TBXAS1: variants seen among roughly 807,000 people sequenced by gnomAD.
TBXAS1 encodes the protein thromboxane-A synthase.
A neutral mutation model predicts 60.7 loss-of-function variants in TBXAS1; 48 were observed. That is an observed-to-expected ratio of 0.79 (90% confidence interval 0.63 to 1.01). TBXAS1 has a LOEUF of 1.01. Among genes scored for constraint, TBXAS1 ranks in the 50% least tolerant of loss-of-function variants. The pLI is 0.00. For synonymous variants in TBXAS1, 287 were observed against 269.7 expected, an observed-to-expected ratio of 1.06 and a Z score of -0.63; for missense variants, 685 against 686.3, an observed-to-expected ratio of 1.00 and a Z score of 0.02.
chr7:139,799,034 A>G (rs145204272), intron 4 of TBXAS1, among the ~76,000 whole-genome samples: 7 of 141,528 alleles, frequency 4.9e-5, no homozygotes, highest in African/African-American at 1.9e-4. Context: ...TTCCTCTCCC[A>G]TTGTCACCTT....
intron 1 of TBXAS1, among the ~76,000 whole-genome samples, chr7:139,779,163 TGTAAA>T (rs1796894589): frequency 6.6e-6 from 1 of 152,222 alleles, no homozygotes; most frequent in East Asian, 1.9e-4. Context: ...AAGCTATCTG[TGTAAA>T]ATAATGATCT....
chr7:139,855,514 G>C (rs138656220), intron 1 of TBXAS1, among the ~76,000 whole-genome samples: 3 of 152,162 alleles, frequency 2.0e-5, no homozygotes, highest in Non-Finnish European at 4.4e-5. Flanking sequence ...GGGGAGGCTT[G>C]GGCTGCCAGG....
intron 4 of TBXAS1, among the ~76,000 whole-genome samples, chr7:139,924,315 TTATTGCC>T (rs753968132): frequency 9.7e-4 from 148 of 152,334 alleles, no homozygotes; most frequent in Non-Finnish European, 1.8e-3. Context: ...GCAGCTTGTG[TTATTGCC>T]TGTCTTTTGG....
Position 139,953,929 on chromosome 7 carries a change from C to T in TBXAS1, c.539+473C>T, listed in dbSNP as rs141137898. On this transcript the variant is annotated intron_variant, in intron 6 of 12. Coordinates refer to ENST00000448866, the MANE Select transcript of TBXAS1 (RefSeq NM_001061.7). ...GTCTAAGTTTGTCCGACCCACAGCCCGCTGGCCACAAGCAGCCCAGGATGG... is the reference window on the plus strand; with the variant it reads ...GTCTAAGTTTGTCCGACCCACAGCCTGCTGGCCACAAGCAGCCCAGGATGG... 5.0e-3 allele frequency among the ~76,000 whole-genome samples: 763 copies of T among 152,242 alleles called. 8 individuals carry two copies. The highest frequency in any genetic ancestry group is 6.0e-3 in the Non-Finnish European group (410 of 68,026).
chr7:139,906,003 T>C (rs965322856), intron 3 of TBXAS1: 5 of 224,796 alleles, frequency 2.2e-5, no homozygotes, highest in South Asian at 2.2e-4. Flanking sequence ...GTAGTCCATT[T>C]TGAGTTCATT....
In TBXAS1 at chr7:139,870,594, G is replaced by A. The variant is rs573349307; in HGVS notation, c.90-1641G>A. On this transcript the variant is annotated intron_variant, in intron 1 of 12. Transcript: ENST00000448866. ...CTCACACTAATGAAGAGGAGTGTTG[G>A]TATGACTAATCCTTGGCGTTCACGT... 5.3e-5 allele frequency among the ~76,000 whole-genome samples: 8 copies of A among 152,332 alleles called. No individual in the cohort carries two copies. In the South Asian group the frequency reaches 1.2e-3, roughly 24 times the overall value.
At chr7:139,824,325 T>G (rs1798380660), upstream of TBXAS1, among the ~76,000 whole-genome samples, 1 of 152,232 alleles carries the variant, frequency 6.6e-6, no homozygotes, top group Non-Finnish European at 1.5e-5. Context: ...AAGTCGGTCC[T>G]GCCTGTACAC....
chr7:139,791,665 A>G (rs1797384936), intron 4 of TBXAS1, among the ~76,000 whole-genome samples: 1 of 152,212 alleles, frequency 6.6e-6, no homozygotes, highest in South Asian at 2.1e-4. Context: ...ACTATAGTGC[A>G]TGTCTTTGTA....
At chr7:139,915,575 T>C (rs1291695817) in intron 4 of TBXAS1, among the ~76,000 whole-genome samples, 1 of 152,166 alleles carries the variant, frequency 6.6e-6, no homozygotes, top group Non-Finnish European at 1.5e-5. Context: ...TGAGTTACGT[T>C]GAGTTTTGTC....
At chr7:139,867,591 C>G (rs1801514159) in intron 1 of TBXAS1, among the ~76,000 whole-genome samples, 1 of 152,176 alleles carries the variant, frequency 6.6e-6, no homozygotes, top group Non-Finnish European at 1.5e-5. Context: ...AAGGCCAAGG[C>G]AGGCGGATCG....
At chr7:139,838,197 T>C (rs1295886936) in intron 1 of TBXAS1, among the ~76,000 whole-genome samples, 1 of 152,194 alleles carries the variant, frequency 6.6e-6, no homozygotes, top group African/African-American at 2.4e-5. Flanking sequence ...GAATGGTCCT[T>C]TGTTGCTGCA....
At chr7:139,991,885 G>C (rs1412662752) in intron 9 of TBXAS1, among the ~76,000 whole-genome samples, 2 of 152,238 alleles carry the variant, frequency 1.3e-5, no homozygotes, top group Non-Finnish European at 2.9e-5. Flanking sequence ...AGGGACTTTA[G>C]CTGGGAGCAC....
chr7:140,008,795 G>A lies in TBXAS1; in HGVS notation c.1226+1613G>A, dbSNP rs1231972868. On this transcript the variant is annotated intron_variant, in intron 10 of 12. Coordinates refer to ENST00000448866, the MANE Select transcript of TBXAS1 (RefSeq NM_001061.7). ...TCCAGCTTTCTTCCAAGGGGATTGTGGGAAGCTGGTGTACATGTTAAAATG... is the reference window on the plus strand; with the variant it reads ...TCCAGCTTTCTTCCAAGGGGATTGTAGGAAGCTGGTGTACATGTTAAAATG... 2.6e-5 allele frequency among the ~76,000 whole-genome samples: 4 copies of A among 152,160 alleles called. 1 individual carries two copies. Among genetic ancestry groups the A allele is most frequent in the Admixed American group, 6.5e-5 (1 of 15,280 alleles).
rs1385740188 is a variant in TBXAS1 at position 140,017,838 on chromosome 7, G to A, written c.1527+5G>A. 1 of 1,614,064 alleles carries A rather than the reference G, an allele frequency of 6.2e-7. No individual in the cohort carries two copies. The highest frequency in any genetic ancestry group is 2.2e-5 in the East Asian group (1 of 44,854). On this transcript the variant is annotated splice_donor_5th_base_variant and intron_variant, in intron 12 of 12. Transcript: ENST00000448866. ...CAAGCCTGCCCTGAGACCCAGGTGA[G>A]GCCCCCCTGCTCAGAGGCAGGGGCA...
intron 5 of TBXAS1, among the ~76,000 whole-genome samples, chr7:139,947,906 C>T (rs1473543046): frequency 2.0e-5 from 3 of 151,994 alleles, no homozygotes; most frequent in African/African-American, 7.3e-5. Context: ...GCTCTGTCAC[C>T]CAGGCTGGAG....
At chr7:139,905,592 C>T (rs963463253) in intron 3 of TBXAS1, among the ~76,000 whole-genome samples, 6 of 152,056 alleles carry the variant, frequency 3.9e-5, no homozygotes, top group Non-Finnish European at 7.4e-5. Flanking sequence ...TCGGTTGCAT[C>T]CTTTCCTGGT....
intron 10 of TBXAS1, among the ~76,000 whole-genome samples, chr7:140,010,345 T>C (rs996332986): frequency 8.5e-5 from 13 of 152,210 alleles, no homozygotes; most frequent in African/African-American, 3.1e-4. Flanking sequence ...CAACTTGGAC[T>C]TACTCATAAA....
At chr7:139,927,076 C>T (rs1806942421) in intron 4 of TBXAS1, among the ~76,000 whole-genome samples, 2 of 152,004 alleles carry the variant, frequency 1.3e-5, no homozygotes, top group South Asian at 4.1e-4. Context: ...CTCACTGCAA[C>T]CTCCACCTCT....
chr7:139,888,758 G>A (rs1203396401), intron 3 of TBXAS1, among the ~76,000 whole-genome samples: 1 of 152,160 alleles, frequency 6.6e-6, no homozygotes, highest in African/African-American at 2.4e-5. Flanking sequence ...AAGAAGAGTA[G>A]AGGCCAAATG....
Sources: gnomAD v4.1 joint callset for allele counts (sites outside exome capture counted in the v4.1 genomes callset) on GRCh38, gnomAD v4.1.1 for gene constraint, MANE v1.5 for transcripts, NCBI Gene and HGNC (gene_info 2026-07-23, HGNC 2026-07-21) for gene names.